Variants in LRRIQ3 observed in about 807,000 individuals in gnomAD.
The protein encoded by LRRIQ3 is leucine rich repeats and IQ motif containing 3.
A neutral mutation model predicts 59.3 loss-of-function variants in LRRIQ3; 75 were observed. The observed-to-expected ratio is 1.26, with a 90% CI of 1.05 to 1.53. The LOEUF (loss-of-function observed/expected upper bound fraction) is 1.53. LRRIQ3 is among the 40% of genes most tolerant of loss of function. The probability of loss-of-function intolerance (pLI) is 0.00; values close to 1 mark genes in which losing one functional copy is unlikely to be tolerated. For synonymous variants in LRRIQ3, 250 were observed against 231.3 expected, an observed-to-expected ratio of 1.08 and a Z score of -0.73; for missense variants, 831 against 710.0, an observed-to-expected ratio of 1.17 and a Z score of -1.94.
intron 6 of LRRIQ3, among the ~76,000 whole-genome samples, chr1:74,060,648 A>C (rs1255978926): frequency 2.0e-5 from 3 of 151,918 alleles, no homozygotes; most frequent in African/African-American, 7.3e-5. Flanking sequence ...AGTCCCAGCT[A>C]ATAGAGATCA....
intron 4 of LRRIQ3, among the ~76,000 whole-genome samples, chr1:74,122,939 G>A (rs570430772): frequency 6.6e-6 from 1 of 152,230 alleles, no homozygotes; most frequent in Admixed American, 6.5e-5. Context: ...ATCTGACAAA[G>A]AGCTAATATC....
intron 5 of LRRIQ3, among the ~76,000 whole-genome samples, chr1:74,096,674 T>C (rs1216713099): frequency 6.6e-6 from 1 of 152,118 alleles, no homozygotes; most frequent in East Asian, 1.9e-4. Context: ...CCCATCTTTG[T>C]GGTTTTATCT....
intron 3 of LRRIQ3, chr1:74,180,741 A>T (rs1337967732): frequency 6.5e-7 from 1 of 1,550,386 alleles, no homozygotes; most frequent in Non-Finnish European, 8.7e-7. Context: ...ATATTGGGTA[A>T]GTTCCTAAAC....
chr1:74,055,178 C>CTT (rs1654490149), intron 6 of LRRIQ3, among the ~76,000 whole-genome samples: 1 of 33,976 alleles, frequency 2.9e-5, no homozygotes, highest in Non-Finnish European at 6.6e-5. Context: ...TACATATACA[C>CTT]TTTATATATA....
At chr1:74,102,335 A>C (rs958920788) in intron 5 of LRRIQ3, among the ~76,000 whole-genome samples, 11 of 151,992 alleles carry the variant, frequency 7.2e-5, no homozygotes, top group Non-Finnish European at 1.2e-4. Context: ...ACATTTCTTC[A>C]AAGAAGACAC....
At chr1:74,170,485 G>T (rs1005582937) in intron 3 of LRRIQ3, among the ~76,000 whole-genome samples, 2 of 152,020 alleles carry the variant, frequency 1.3e-5, no homozygotes, top group Admixed American at 6.6e-5. Flanking sequence ...ATATCCATGG[G>T]TTTATTTCTA....
intron 7 of LRRIQ3, among the ~76,000 whole-genome samples, chr1:74,029,382 A>G (rs1221906312): frequency 6.6e-6 from 1 of 152,042 alleles, no homozygotes; most frequent in Non-Finnish European, 1.5e-5. Context: ...ATTTTGAGGT[A>G]ATTTATTGAG....
chr1:74,197,265 G>A (rs1402594662), intron 1 of LRRIQ3, among the ~76,000 whole-genome samples: 2 of 152,152 alleles, frequency 1.3e-5, no homozygotes, highest in Non-Finnish European at 2.9e-5. Flanking sequence ...TGAAGACGTT[G>A]ATACAGAGAA....
At chr1:74,143,014 C>G (rs563024521) in intron 4 of LRRIQ3, among the ~76,000 whole-genome samples, 2 of 152,010 alleles carry the variant, frequency 1.3e-5, no homozygotes, top group South Asian at 4.1e-4. Flanking sequence ...AGTACCACTT[C>G]TGAAAAATGG....
At chr1:74,172,950 G>C (rs2100703192) in intron 3 of LRRIQ3, among the ~76,000 whole-genome samples, 1 of 152,112 alleles carries the variant, frequency 6.6e-6, no homozygotes, top group East Asian at 1.9e-4. Context: ...AATATGTGAG[G>C]ATTTAAATCC....
chr1:74,046,694 G>T (rs1187110623), intron 6 of LRRIQ3, among the ~76,000 whole-genome samples: 1 of 151,982 alleles, frequency 6.6e-6, no homozygotes, highest in Non-Finnish European at 1.5e-5. Context: ...TTTGCAATCT[G>T]TCCATCTGAT....
At chr1:74,031,780 A>G (rs1018266994) in intron 7 of LRRIQ3, among the ~76,000 whole-genome samples, 1 of 152,090 alleles carries the variant, frequency 6.6e-6, no homozygotes, top group Non-Finnish European at 1.5e-5. Context: ...TATTTAAAAA[A>G]GTCTTAGAGA....
At chr1:74,074,881 A>G in intron 5 of LRRIQ3, 91 bp from the exon 6 acceptor site, 1 of 616,578 alleles carries the variant, frequency 1.6e-6, no homozygotes, top group Non-Finnish European at 2.5e-6. Context: ...CATTATCATG[A>G]TTGATTTTCA....
chr1:74,088,661 A>C (rs1218356113), intron 5 of LRRIQ3, among the ~76,000 whole-genome samples: 1 of 152,004 alleles, frequency 6.6e-6, no homozygotes, highest in Non-Finnish European at 1.5e-5. Flanking sequence ...ACCACATGAA[A>C]ATTAGCTCAT....
chr1:74,085,881 G>T (rs1646322804), intron 5 of LRRIQ3, among the ~76,000 whole-genome samples: 1 of 151,998 alleles, frequency 6.6e-6, no homozygotes, highest in Non-Finnish European at 1.5e-5. Flanking sequence ...ATCAAACACA[G>T]TTAATTCTAA....
At chr1:74,146,959 G>A (rs963845052) in intron 4 of LRRIQ3, among the ~76,000 whole-genome samples, 21 of 152,226 alleles carry the variant, frequency 1.4e-4, no homozygotes, top group South Asian at 4.2e-4. Context: ...CAGCCAAGGC[G>A]GCTCATACTT....
intron 6 of LRRIQ3, among the ~76,000 whole-genome samples, chr1:74,049,394 G>A (rs1654296390): frequency 6.6e-6 from 1 of 152,170 alleles, no homozygotes; most frequent in Non-Finnish European, 1.5e-5. Context: ...TAGGGGACTG[G>A]TTAAGAGGCT....
chr1:74,187,147 T>C (rs1016043402), intron 1 of LRRIQ3, among the ~76,000 whole-genome samples: 4 of 152,064 alleles, frequency 2.6e-5, no homozygotes, highest in Non-Finnish European at 4.4e-5. Context: ...AAGGTAGAAC[T>C]ACCATTTGAT....
chr1:74,195,242 G>A (rs72962165), intron 1 of LRRIQ3, among the ~76,000 whole-genome samples: 2,682 of 152,196 alleles, frequency 0.018, 81 homozygotes, highest in African/African-American at 0.06. Context: ...GTAACAGGAG[G>A]AAACAGTGGT....
Sources: allele counts gnomAD v4.1 joint callset (sites outside exome capture counted in the v4.1 genomes callset), GRCh38; gene constraint gnomAD v4.1.1; transcripts MANE v1.5; gene names NCBI Gene and HGNC (gene_info 2026-07-23, HGNC 2026-07-21).